Variants in SND1 observed in about 807,000 individuals in gnomAD.
The protein encoded by SND1 is staphylococcal nuclease and tudor domain containing 1, also known as staphylococcal nuclease domain-containing protein 1.
A neutral mutation model predicts 121.7 loss-of-function variants in SND1; 38 were observed. The observed-to-expected ratio is 0.31, with a 90% CI of 0.24 to 0.41. SND1 has a LOEUF of 0.41. Among genes scored for constraint, SND1 ranks in the 10% least tolerant of loss-of-function variants. SND1 has a pLI of 1.00. For synonymous variants in SND1, 401 were observed against 447.4 expected (o/e 0.90, Z 1.31); for missense variants, 868 against 1,184.6 (o/e 0.73, Z 3.92).
intron 10 of SND1, among the ~76,000 whole-genome samples, chr7:127,783,899 A>T (rs1797768209): frequency 6.6e-6 from 1 of 152,160 alleles, no homozygotes; most frequent in Non-Finnish European, 1.5e-5. Context: ...CAGTTATTTT[A>T]TATTGACATT....
intron 17 of SND1, among the ~76,000 whole-genome samples, chr7:128,079,584 T>A (rs1793563700): frequency 6.6e-6 from 1 of 152,204 alleles, no homozygotes; most frequent in Non-Finnish European, 1.5e-5. Flanking sequence ...GGTGGAAAGC[T>A]TGGGCCTGGG....
At chr7:127,764,808 G>A (rs1797382817) in intron 10 of SND1, among the ~76,000 whole-genome samples, 1 of 152,148 alleles carries the variant, frequency 6.6e-6, no homozygotes, top group South Asian at 2.1e-4. Context: ...TTTCTAATGG[G>A]CCCCTGGGAA....
intron 9 of SND1, among the ~76,000 whole-genome samples, chr7:127,713,432 T>TA (rs1425566585): frequency 4.6e-5 from 7 of 152,208 alleles, no homozygotes; most frequent in Non-Finnish European, 8.8e-5. Flanking sequence ...CAGGGAATCC[T>TA]AAAAAAGTTC....
At chr7:128,022,074 C>G (rs1038366416) in intron 16 of SND1, among the ~76,000 whole-genome samples, 1 of 151,686 alleles carries the variant, frequency 6.6e-6, no homozygotes, top group Non-Finnish European at 1.5e-5. Context: ...CGTGGTGGTG[C>G]GCACCTGTAA....
At chr7:127,738,588 G>GT (rs1479192884) in intron 10 of SND1, among the ~76,000 whole-genome samples, 3 of 151,976 alleles carry the variant, frequency 2.0e-5, no homozygotes, top group Admixed American at 6.6e-5. Flanking sequence ...CCTGAAAGTT[G>GT]TTTTTTTAAG....
At chr7:127,794,294 A>G (rs2116548326) in intron 10 of SND1, among the ~76,000 whole-genome samples, 1 of 152,306 alleles carries the variant, frequency 6.6e-6, no homozygotes, top group Admixed American at 6.5e-5. Context: ...ACAGAAACCC[A>G]GTGTCTAAAG....
At chr7:127,805,038 G>C (rs1484577392) in intron 10 of SND1, among the ~76,000 whole-genome samples, 1 of 152,068 alleles carries the variant, frequency 6.6e-6, no homozygotes, top group Non-Finnish European at 1.5e-5. Flanking sequence ...GCATTCTTAC[G>C]TATGATTGAG....
chr7:127,887,411 A>G (rs1286332905), intron 12 of SND1, among the ~76,000 whole-genome samples: 2 of 152,150 alleles, frequency 1.3e-5, no homozygotes, highest in African/African-American at 4.8e-5. Context: ...TTCTTATAAG[A>G]GAAACACTTC....
chr7:128,062,821 G>C (rs1057265367), intron 16 of SND1, among the ~76,000 whole-genome samples: 7 of 152,180 alleles, frequency 4.6e-5, no homozygotes, highest in African/African-American at 1.7e-4. Context: ...TTGAGCTAGG[G>C]GTTGGCATCC....
At chr7:127,720,621 T>A (rs1159853484) in intron 9 of SND1, among the ~76,000 whole-genome samples, 1 of 152,212 alleles carries the variant, frequency 6.6e-6, no homozygotes, top group Non-Finnish European at 1.5e-5. Context: ...TTCTTTTTCT[T>A]CTGAGCGTGG....
At chr7:128,051,695 G>A (rs1793049150) in intron 16 of SND1, among the ~76,000 whole-genome samples, 1 of 152,110 alleles carries the variant, frequency 6.6e-6, no homozygotes, top group African/African-American at 2.4e-5. Flanking sequence ...TCCAGGTCCA[G>A]GTAATGGAAT....
intron 10 of SND1, among the ~76,000 whole-genome samples, chr7:127,796,623 TC>T (rs2116553859): frequency 6.6e-6 from 1 of 152,314 alleles, no homozygotes; most frequent in South Asian, 2.1e-4. Context: ...TCGTCTTCTG[TC>T]CCTTGACATT....
chr7:127,811,092 A>G (rs1264606548), intron 11 of SND1, among the ~76,000 whole-genome samples: 2 of 152,164 alleles, frequency 1.3e-5, no homozygotes, highest in African/African-American at 2.4e-5. Context: ...TTGATGAGCA[A>G]ATATTGGGGA....
At chr7:127,931,680 G>A (rs534122184) in intron 15 of SND1, among the ~76,000 whole-genome samples, 7 of 152,314 alleles carry the variant, frequency 4.6e-5, no homozygotes, top group African/African-American at 1.7e-4. Context: ...TCAAAAGACA[G>A]GTTGACTCTG....
intron 9 of SND1, among the ~76,000 whole-genome samples, chr7:127,712,446 C>T (rs185136716): frequency 6.6e-6 from 1 of 152,254 alleles, no homozygotes; most frequent in East Asian, 1.9e-4. Flanking sequence ...AGGTGTGACC[C>T]ACCATGCCTG....
intron 9 of SND1, among the ~76,000 whole-genome samples, chr7:127,716,183 C>T (rs1456359858): frequency 1.3e-5 from 2 of 152,126 alleles, no homozygotes; most frequent in Non-Finnish European, 2.9e-5. Flanking sequence ...ATTGTTTTGG[C>T]TATTCAGGGT....
At chr7:127,805,777 T>G (rs1798225544) in intron 10 of SND1, among the ~76,000 whole-genome samples, 1 of 152,234 alleles carries the variant, frequency 6.6e-6, no homozygotes, top group Non-Finnish European at 1.5e-5. Context: ...CAGAGGTGTC[T>G]TGTTTTGTCA....
chr7:127,920,353 AT>A (rs1800674260), intron 14 of SND1, among the ~76,000 whole-genome samples: 1 of 152,204 alleles, frequency 6.6e-6, no homozygotes, highest in Non-Finnish European at 1.5e-5. Flanking sequence ...TGTGAAAAGA[AT>A]TGCCAGAGTC....
At chr7:128,043,554 A>G (rs960922128) in intron 16 of SND1, among the ~76,000 whole-genome samples, 14 of 151,832 alleles carry the variant, frequency 9.2e-5, no homozygotes, top group Non-Finnish European at 1.6e-4. Context: ...GCTGGGTGAC[A>G]GAGGGAGACT....
Sources: gnomAD v4.1 joint callset for allele counts (sites outside exome capture counted in the v4.1 genomes callset) on GRCh38, gnomAD v4.1.1 for gene constraint, MANE v1.5 for transcripts, NCBI Gene and HGNC (gene_info 2026-07-23, HGNC 2026-07-21) for gene names.